CENPW: variants seen among roughly 807,000 people sequenced by gnomAD.
CENPW encodes cancer-up-regulated gene 2 protein.
In CENPW, 3 loss-of-function variants were observed where a neutral mutation model predicts 11.1. The ratio of observed to expected loss-of-function variants is 0.27; its 90% CI spans 0.12 to 0.70. The LOEUF (loss-of-function observed/expected upper bound fraction) is 0.70. Among genes scored for constraint, CENPW ranks in the 30% least tolerant of loss-of-function variants. The probability of loss-of-function intolerance (pLI) is 0.77; values close to 1 mark genes in which losing one functional copy is unlikely to be tolerated. For missense variants in CENPW, 100 were observed against 105.6 expected (o/e 0.95, Z 0.23); for synonymous variants, 38 against 42.0 (o/e 0.91, Z 0.37).
chr6:126,400,528 T>G, the CENPW span, among the ~76,000 whole-genome samples: 1 of 152,074 alleles, frequency 6.6e-6, no homozygotes, highest in East Asian at 1.9e-4. Context: ...ATTTTTGGTA[T>G]TTATCCTGTA....
chr6:126,443,281 C>A, the CENPW span, among the ~76,000 whole-genome samples: 1 of 151,126 alleles, frequency 6.6e-6, no homozygotes, highest in Admixed American at 6.6e-5. Context: ...TTCTTCCTTG[C>A]AATTTATTTG....
At chr6:126,395,455 ATTTC>A in the CENPW span, among the ~76,000 whole-genome samples, 1 of 152,090 alleles carries the variant, frequency 6.6e-6, no homozygotes, top group Non-Finnish European at 1.5e-5. Context: ...GTTATCTTAA[ATTTC>A]TTTGAGTTTC....
Position 126,346,338 on chromosome 6 carries a change from T to C in CENPW, c.240+20T>C. ...GCAAAGGTAAAATCCAAATTTCTTT[T>C]CTCGAGCAAGAATTAAACTTCAAAA... On this transcript the variant is annotated intron_variant, in intron 2 of 2. Coordinates refer to ENST00000368328, the MANE Select transcript of CENPW (RefSeq NM_001012507.4). The C allele has an allele frequency of 1.3e-6, 2 of 1,499,166 alleles. No individual in the cohort carries two copies. Among genetic ancestry groups the C allele is most frequent in the Admixed American group, 1.7e-5 (1 of 58,406 alleles). 92.9% of individuals were successfully genotyped at this position (1,499,166 alleles called of 1,614,324 possible).
the CENPW span, among the ~76,000 whole-genome samples, chr6:126,447,650 T>G: frequency 6.6e-6 from 1 of 151,218 alleles, no homozygotes; most frequent in East Asian, 1.9e-4. Flanking sequence ...GCCTTTGTCC[T>G]GAGCAGCTTG....
At chr6:126,433,555 C>T in the CENPW span, among the ~76,000 whole-genome samples, 1 of 152,042 alleles carries the variant, frequency 6.6e-6, no homozygotes, top group Admixed American at 6.6e-5. Flanking sequence ...TTTCAGGTAT[C>T]TGAAAACTGA....
At chr6:126,402,455 C>T in the CENPW span, among the ~76,000 whole-genome samples, 1 of 151,978 alleles carries the variant, frequency 6.6e-6, no homozygotes, top group Non-Finnish European at 1.5e-5. Context: ...TTTAGAATAT[C>T]TTAATCACAG....
At chr6:126,393,509 T>C in the CENPW span, among the ~76,000 whole-genome samples, 1 of 151,638 alleles carries the variant, frequency 6.6e-6, no homozygotes, top group Non-Finnish European at 1.5e-5. Flanking sequence ...AATAAATTTT[T>C]CTATTTCTTT....
At chr6:126,478,561 C>T in the CENPW span, among the ~76,000 whole-genome samples, 7 of 151,916 alleles carry the variant, frequency 4.6e-5, no homozygotes, top group Non-Finnish European at 1.0e-4. Context: ...TCCCTGAATC[C>T]TTTTCTGTCC....
At chr6:126,428,461 A>C in the CENPW span, among the ~76,000 whole-genome samples, 1 of 152,186 alleles carries the variant, frequency 6.6e-6, no homozygotes, top group South Asian at 2.1e-4. Flanking sequence ...ACAAAGAGTT[A>C]ATATGTTCCT....
chr6:126,419,581 A>T, the CENPW span, among the ~76,000 whole-genome samples: 6 of 152,202 alleles, frequency 3.9e-5, no homozygotes, highest in African/African-American at 2.4e-5. Flanking sequence ...CTGCTGCTAT[A>T]ATTTACACAA....
chr6:126,481,833 G>T, the CENPW span, among the ~76,000 whole-genome samples: 1 of 151,930 alleles, frequency 6.6e-6, no homozygotes, highest in Non-Finnish European at 1.5e-5. Context: ...ACTATACTTG[G>T]TATAGTCAAT....
At chr6:126,407,068 T>C in the CENPW span, among the ~76,000 whole-genome samples, 1 of 152,176 alleles carries the variant, frequency 6.6e-6, no homozygotes, top group Admixed American at 6.5e-5. Flanking sequence ...CATTAGCTAT[T>C]CTTCCTGATG....
chr6:126,341,650 C>A lies in CENPW; in HGVS notation c.126+1251C>A, dbSNP rs193244502. The stretch of plus-strand genomic sequence containing the variant: ...CCCGACCCCAATTAACTATCCCATG[C>A]TGGTGATAGAGGTGGCACAAATGAA... On this transcript the variant is annotated intron_variant, in intron 1 of 2. Coordinates refer to ENST00000368328, the MANE Select transcript of CENPW (RefSeq NM_001012507.4). Among the ~76,000 whole-genome samples, 56 of 152,272 alleles carry A rather than the reference C, an allele frequency of 3.7e-4. No homozygotes were observed. In the East Asian group the frequency reaches 9.6e-3, roughly 26 times the overall value.
chr6:126,411,204 A>G, the CENPW span, among the ~76,000 whole-genome samples: 1 of 152,182 alleles, frequency 6.6e-6, no homozygotes, highest in Admixed American at 6.6e-5. Flanking sequence ...CTCTGTTTCC[A>G]GATAGGTGCA....
chr6:126,455,717 C>T, the CENPW span, among the ~76,000 whole-genome samples: 3 of 151,240 alleles, frequency 2.0e-5, no homozygotes, highest in African/African-American at 7.3e-5. Context: ...AAGTCAAAGC[C>T]AGGGCAATCA....
chr6:126,400,243 C>T, the CENPW span, among the ~76,000 whole-genome samples: 2 of 152,056 alleles, frequency 1.3e-5, no homozygotes, highest in African/African-American at 4.8e-5. Flanking sequence ...TCTGCAACAG[C>T]AGTCTTCTCA....
At chr6:126,441,146 T>A in the CENPW span, among the ~76,000 whole-genome samples, 5 of 151,366 alleles carry the variant, frequency 3.3e-5, no homozygotes, top group East Asian at 7.8e-4. Flanking sequence ...GTAAATGAGA[T>A]CTGGTCAGCT....
chr6:126,476,358 A>C, the CENPW span, among the ~76,000 whole-genome samples: 6 of 151,988 alleles, frequency 3.9e-5, no homozygotes, highest in Non-Finnish European at 8.8e-5. Flanking sequence ...CTTTCTACTG[A>C]AAAATTTTTA....
the CENPW span, among the ~76,000 whole-genome samples, chr6:126,399,812 T>C: frequency 1.3e-5 from 2 of 152,112 alleles, no homozygotes; most frequent in Non-Finnish European, 2.9e-5. Flanking sequence ...TCTCTAAAGT[T>C]TCTTGGTGCC....
Sources: gnomAD v4.1 joint callset for allele counts (sites outside exome capture counted in the v4.1 genomes callset) on GRCh38, gnomAD v4.1.1 for gene constraint, MANE v1.5 for transcripts, NCBI Gene and HGNC (gene_info 2026-07-23, HGNC 2026-07-21) for gene names.